MGMT: variants seen among roughly 807,000 people sequenced by gnomAD.
The protein encoded by MGMT is O-6-methylguanine-DNA methyltransferase.
In MGMT, 14 loss-of-function variants were observed where a neutral mutation model predicts 15.9. The observed-to-expected ratio is 0.88, with a 90% CI of 0.58 to 1.37. MGMT has a LOEUF of 1.37. Ranked by LOEUF, MGMT falls within the 40% of genes most tolerant of loss-of-function variation. The pLI is 0.00. For synonymous variants in MGMT, 130 were observed against 118.2 expected (o/e 1.10, Z -0.65); for missense variants, 282 against 268.1 (o/e 1.05, Z -0.36).
chr10:129,600,964 A>G (rs2133061137), intron 2 of MGMT, among the ~76,000 whole-genome samples: 1 of 152,326 alleles, frequency 6.6e-6, no homozygotes, highest in East Asian at 1.9e-4. Flanking sequence ...ACAAATTAAT[A>G]TTAATATCAA....
intron 2 of MGMT, among the ~76,000 whole-genome samples, chr10:129,575,253 A>G (rs1012233594): frequency 3.3e-5 from 5 of 152,108 alleles, no homozygotes; most frequent in African/African-American, 1.2e-4. Flanking sequence ...ACCACACCAC[A>G]CCTATTCCAA....
intron 3 of MGMT, among the ~76,000 whole-genome samples, chr10:129,731,768 T>G (rs984891565): frequency 7.9e-5 from 12 of 152,284 alleles, no homozygotes; most frequent in Non-Finnish European, 1.3e-4. Flanking sequence ...ATAGGTAATA[T>G]GCTTCTGGAA....
At chr10:129,578,942 T>G (rs1846519998) in intron 2 of MGMT, among the ~76,000 whole-genome samples, 1 of 143,628 alleles carries the variant, frequency 7.0e-6, no homozygotes, top group African/African-American at 2.4e-5. Flanking sequence ...TAAAGTGCCA[T>G]GGACATCAGT....
chr10:129,645,140 G>A (rs1014829085), intron 2 of MGMT, among the ~76,000 whole-genome samples: 1 of 115,234 alleles, frequency 8.7e-6, no homozygotes, highest in Non-Finnish European at 1.7e-5. Flanking sequence ...TTTTTTTTGA[G>A]ATGGAGTCTT....
chr10:129,577,455 A>C (rs1846497994), intron 2 of MGMT, among the ~76,000 whole-genome samples: 1 of 152,254 alleles, frequency 6.6e-6, no homozygotes, highest in Admixed American at 6.5e-5. Flanking sequence ...TTATTTAATA[A>C]ATGGTGCTGG....
chr10:129,621,986 G>A (rs143296516), intron 2 of MGMT, among the ~76,000 whole-genome samples: 5 of 152,286 alleles, frequency 3.3e-5, no homozygotes, highest in Non-Finnish European at 7.4e-5. Context: ...TCCATCTAAA[G>A]AGTAGCAATT....
intron 1 of MGMT, among the ~76,000 whole-genome samples, chr10:129,490,400 T>A (rs886188436): frequency 2.0e-5 from 3 of 152,240 alleles, no homozygotes; most frequent in Non-Finnish European, 4.4e-5. Context: ...CTAAGAATCA[T>A]CCTTTAAACA....
chr10:129,760,770 TC>T (rs1425132163), intron 4 of MGMT, among the ~76,000 whole-genome samples: 6 of 152,182 alleles, frequency 3.9e-5, no homozygotes, highest in African/African-American at 1.4e-4. Flanking sequence ...TATTAAAATA[TC>T]CCAAATATCC....
At chr10:129,558,072 C>T (rs1203893900) in intron 2 of MGMT, among the ~76,000 whole-genome samples, 1 of 152,198 alleles carries the variant, frequency 6.6e-6, no homozygotes, top group Non-Finnish European at 1.5e-5. Flanking sequence ...ACCACATCAT[C>T]CCACGTGTGC....
intron 1 of MGMT, among the ~76,000 whole-genome samples, chr10:129,512,891 A>G (rs2388330): frequency 0.11 from 16,600 of 147,262 alleles, 1,058 homozygotes; most frequent in African/African-American, 0.18. Context: ...CAGCAATTCT[A>G]CCCCTAAGGA....
At chr10:129,657,732 C>CT (rs1847547369) in intron 2 of MGMT, among the ~76,000 whole-genome samples, 1 of 150,042 alleles carries the variant, frequency 6.7e-6, no homozygotes, top group African/African-American at 2.4e-5. Context: ...CACACACCCC[C>CT]TCTCCCCCAA....
At chr10:129,570,428 G>C (rs768435024) in intron 2 of MGMT, among the ~76,000 whole-genome samples, 1 of 152,252 alleles carries the variant, frequency 6.6e-6, no homozygotes, top group Admixed American at 6.5e-5. Context: ...CTCCGGCCAC[G>C]GTCTGTGCCC....
chr10:129,632,422 G>A (rs524804), intron 2 of MGMT, among the ~76,000 whole-genome samples: 75,145 of 151,970 alleles, frequency 0.49, 20,259 homozygotes, highest in African/African-American at 0.7. Context: ...GGAAGAACTG[G>A]GGCCCAGCGA....
At position 129,728,429 on chromosome 10, in the gene MGMT, C is replaced by T. The variant is rs571444980; in HGVS notation, c.274+20386C>T. Among the ~76,000 whole-genome samples, 3 of 152,200 alleles carry T rather than the reference C, an allele frequency of 2.0e-5. No individual in the cohort carries two copies. The South Asian group carries it at 6.2e-4, about 32-fold the overall frequency. ...GAGGAAGGGGCCAAGGGGGCGGACC[C>T]CGCAGGGTCCATAATGGTGGTGATT... is the stretch of plus-strand genomic sequence containing the variant. On this transcript the variant is annotated intron_variant, in intron 3 of 4. Coordinates refer to ENST00000651593, the MANE Select transcript of MGMT (RefSeq NM_002412.5).
chr10:129,635,821 C>G (rs888295831), intron 2 of MGMT, among the ~76,000 whole-genome samples: 2 of 152,130 alleles, frequency 1.3e-5, no homozygotes, highest in Non-Finnish European at 2.9e-5. Context: ...GACCCTCTTA[C>G]AAGCTGGTAC....
chr10:129,575,433 T>G (rs1233862549), intron 2 of MGMT, among the ~76,000 whole-genome samples: 6 of 151,122 alleles, frequency 4.0e-5, no homozygotes, highest in Non-Finnish European at 8.9e-5. Flanking sequence ...CCTGAATGAC[T>G]ACTGGGTACA....
At chr10:129,692,701 C>T (rs995303932) in intron 2 of MGMT, among the ~76,000 whole-genome samples, 2 of 152,172 alleles carry the variant, frequency 1.3e-5, no homozygotes, top group Non-Finnish European at 2.9e-5. Flanking sequence ...GGGGCCTCAG[C>T]TGCAGGGTTG....
At chr10:129,511,409 A>G (rs1317551919) in intron 1 of MGMT, among the ~76,000 whole-genome samples, 3 of 147,922 alleles carry the variant, frequency 2.0e-5, no homozygotes, top group African/African-American at 7.5e-5. Context: ...GGTGCTTCCC[A>G]TGATGAGAAC....
chr10:129,681,552 G>C (rs1847852847), intron 2 of MGMT, among the ~76,000 whole-genome samples: 1 of 152,166 alleles, frequency 6.6e-6, no homozygotes, highest in Non-Finnish European at 1.5e-5. Context: ...CTTGTAAAAA[G>C]AGAACAGAGA....
Sources: gnomAD v4.1 joint callset for allele counts (sites outside exome capture counted in the v4.1 genomes callset) on GRCh38, gnomAD v4.1.1 for gene constraint, MANE v1.5 for transcripts, NCBI Gene and HGNC (gene_info 2026-07-23, HGNC 2026-07-21) for gene names.